ABI3BP: variants seen among roughly 807,000 people sequenced by gnomAD.
ABI3BP encodes ABI family member 3 binding protein.
In ABI3BP, 216 loss-of-function variants were observed where a neutral mutation model predicts 268.6. The observed-to-expected ratio is 0.80, with a 90% CI of 0.72 to 0.90. ABI3BP has a LOEUF of 0.90. ABI3BP is among the 40% of genes least tolerant of loss of function. The pLI, the probability that ABI3BP is intolerant of heterozygous loss-of-function variation, is 0.00. For missense variants in ABI3BP, 2,090 were observed against 2,182.4 expected (o/e 0.96, Z 0.84); for synonymous variants, 730 against 730.0 (o/e 1.00, Z 0.00).
chr3:100,868,438 A>C (rs1233767133), intron 9 of ABI3BP, among the ~76,000 whole-genome samples: 1 of 152,238 alleles, frequency 6.6e-6, no homozygotes, highest in Non-Finnish European at 1.5e-5. Flanking sequence ...TTTCACACTC[A>C]AAATTCTTTG....
At chr3:100,940,423 T>A (rs1207499856) in intron 1 of ABI3BP, among the ~76,000 whole-genome samples, 1 of 151,998 alleles carries the variant, frequency 6.6e-6, no homozygotes, top group Admixed American at 6.6e-5. Context: ...CCGTTTGGGA[T>A]CCCTGACTTC....
intron 1 of ABI3BP, among the ~76,000 whole-genome samples, chr3:100,992,691 T>C (rs1401871565): frequency 6.6e-6 from 1 of 152,222 alleles, no homozygotes; most frequent in African/African-American, 2.4e-5. Context: ...CTGATAACAT[T>C]TGTAAACAAA....
intron 1 of ABI3BP, among the ~76,000 whole-genome samples, chr3:100,942,834 C>A (rs538907610): frequency 1.9e-4 from 29 of 152,164 alleles, no homozygotes; most frequent in Admixed American, 1.5e-3. Context: ...GTTTGAGAGC[C>A]ATTACTCTTT....
chr3:100,880,171 G>C (rs2099212350), intron 6 of ABI3BP, among the ~76,000 whole-genome samples: 1 of 152,186 alleles, frequency 6.6e-6, no homozygotes, highest in Admixed American at 6.5e-5. Flanking sequence ...CACAGATGTA[G>C]ACAGTGTGGG....
intron 1 of ABI3BP, among the ~76,000 whole-genome samples, chr3:100,964,274 T>C (rs2080385175): frequency 6.6e-6 from 1 of 152,156 alleles, no homozygotes. Flanking sequence ...GGAAAGTCCA[T>C]TTGCATAATA....
chr3:100,926,587 A>G, intron 1 of ABI3BP, 106 bp from the exon 2 acceptor site: 1 of 1,065,160 alleles, frequency 9.4e-7, no homozygotes, highest in Non-Finnish European at 1.4e-6. Context: ...CTTGAAAAAC[A>G]TGTTGTCTAC....
At chr3:100,841,166 G>A (rs2098690079) in intron 21 of ABI3BP, among the ~76,000 whole-genome samples, 1 of 140,426 alleles carries the variant, frequency 7.1e-6, no homozygotes, top group African/African-American at 2.7e-5. Context: ...GGAAAATATG[G>A]GTAATTGGCT....
At chr3:100,932,656 T>G (rs2064086330) in intron 1 of ABI3BP, among the ~76,000 whole-genome samples, 1 of 152,082 alleles carries the variant, frequency 6.6e-6, no homozygotes, top group African/African-American at 2.4e-5. Context: ...AGACATCATC[T>G]CACACCATCA....
intron 15 of ABI3BP, among the ~76,000 whole-genome samples, chr3:100,851,318 A>G (rs551470219): frequency 6.6e-6 from 1 of 152,326 alleles, no homozygotes; most frequent in East Asian, 1.9e-4. Context: ...CGAATGAATT[A>G]TGTGACTGTT....
At position 100,822,639 on chromosome 3, in the gene ABI3BP, C is replaced by T. The variant is rs1001016942; in HGVS notation, c.2837G>A (p.Arg946His). ...ACGTGGTGTGGTTTTTGTTCTGAGA[C>T]GTGGACGACGTGTCCGTTGTGATGT... ...SKTSQRTRRP[R>H]LRTKTTPRPE... The change falls in exon 38 of 68, where the codon CGT (arginine) becomes CAT (histidine). Residue 946 changes from arginine (R) to histidine (H), a missense_variant. Physicochemically the swap from Arg to His is conservative, Grantham distance 29 (BLOSUM62 0). Transcript: ENST00000471714. 50 of 1,536,396 alleles carry T rather than the reference C, an allele frequency of 3.3e-5. No individual in the cohort carries two copies. Among genetic ancestry groups the T allele is most frequent in the African/African-American group, 4.1e-5 (3 of 72,994 alleles).
chr3:100,922,547 T>TGATGGTGATGGTGATGGC (rs2060571799), intron 2 of ABI3BP, among the ~76,000 whole-genome samples: 3 of 149,096 alleles, frequency 2.0e-5, no homozygotes, highest in African/African-American at 7.3e-5. Flanking sequence ...ATGGTGATGG[T>TGATGGTGATGGTGATGGC]GATGGTGATG....
chr3:100,972,058 G>A (rs577288228), intron 1 of ABI3BP, among the ~76,000 whole-genome samples: 1 of 151,934 alleles, frequency 6.6e-6, no homozygotes, highest in Non-Finnish European at 1.5e-5. Context: ...GGATTCTCAC[G>A]AACACATATC....
At chr3:100,908,478 GA>G (rs201154261) in intron 2 of ABI3BP, among the ~76,000 whole-genome samples, 2 of 152,092 alleles carry the variant, frequency 1.3e-5, no homozygotes, top group East Asian at 3.9e-4. Context: ...CAAGGGATGT[GA>G]AGGGCTTCTT....
chr3:100,881,595 T>G (rs2039281433), intron 6 of ABI3BP, among the ~76,000 whole-genome samples: 1 of 152,128 alleles, frequency 6.6e-6, no homozygotes, highest in Non-Finnish European at 1.5e-5. Context: ...CCATCATTCT[T>G]TATTTTTTAA....
chr3:100,982,018 G>T (rs546223519), intron 1 of ABI3BP, among the ~76,000 whole-genome samples: 1 of 152,162 alleles, frequency 6.6e-6, no homozygotes, highest in Non-Finnish European at 1.5e-5. Context: ...CTGCATGGCT[G>T]GGGAGGCCTC....
chr3:100,830,743 T>TTAA, intron 31 of ABI3BP, 109 bp from the exon 32 acceptor site: 1 of 819,720 alleles, frequency 1.2e-6, no homozygotes. Context: ...AAATTAATTC[T>TTAA]TAATATCATA....
intron 1 of ABI3BP, among the ~76,000 whole-genome samples, chr3:100,954,999 T>TC (rs2076344708): frequency 2.2e-4 from 1 of 4,576 alleles, no homozygotes. Context: ...TTTTTTTTTT[T>TC]TACGAATCAT....
intron 1 of ABI3BP, among the ~76,000 whole-genome samples, chr3:100,975,354 G>T (rs1180787253): frequency 6.6e-6 from 1 of 152,050 alleles, no homozygotes; most frequent in African/African-American, 2.4e-5. Context: ...GGAGTCCTAG[G>T]AGCAAGTGAG....
rs72930702 is a variant in ABI3BP, at chr3:100,803,018, C to G, written c.3757+1774G>C. ...AAAACTGAAATGTGGTAAGAGTTGC[C>G]TTATGATTATTCCTGGGGGTGCCAC... On this transcript the variant is annotated intron_variant, in intron 51 of 67. Transcript: ENST00000471714. Among the ~76,000 whole-genome samples the G allele has an allele frequency of 4.9e-3, 720 of 146,100 alleles. 30 individuals carry two copies. The highest frequency in any genetic ancestry group is 0.017 in the African/African-American group (694 of 41,134).
Sources: allele counts gnomAD v4.1 joint callset (sites outside exome capture counted in the v4.1 genomes callset), GRCh38; gene constraint gnomAD v4.1.1; transcripts MANE v1.5; gene names NCBI Gene and HGNC (gene_info 2026-07-23, HGNC 2026-07-21).